Variants in UGGT1 observed in about 807,000 individuals in gnomAD.
UGGT1 encodes UDP-glucose glycoprotein glucosyltransferase 1.
Under a neutral mutation model 203.9 loss-of-function variants are expected in UGGT1, and 107 were observed. The observed-to-expected ratio is 0.52, with a 90% CI of 0.45 to 0.62. The LOEUF (loss-of-function observed/expected upper bound fraction) is 0.62. Ranked by LOEUF, UGGT1 falls within the 20% of genes least tolerant of loss-of-function variation. The pLI, the probability that UGGT1 is intolerant of heterozygous loss-of-function variation, is 0.00. For synonymous variants in UGGT1, 628 were observed against 653.5 expected (o/e 0.96, Z 0.59); for missense variants, 1,673 against 1,867.2 (o/e 0.90, Z 1.92).
intron 2 of UGGT1, among the ~76,000 whole-genome samples, chr2:128,099,729 A>G (rs559810486): frequency 5.9e-5 from 9 of 152,306 alleles, no homozygotes; most frequent in Non-Finnish European, 1.2e-4. Flanking sequence ...TATGTATTTC[A>G]TGGTGATAAC....
chr2:128,183,678 A>C lies in UGGT1; in HGVS notation c.4248A>C (p.Ala1416=), dbSNP rs754519276. The C allele has an allele frequency of 2.3e-5, 37 of 1,612,464 alleles. No individual in the cohort carries two copies. The highest frequency in any genetic ancestry group is 3.3e-5 in the Admixed American group (2 of 59,994). ...CAAGCGGGTCTTCTTTATTCAGTGC[A>C]CTATATGTTGTGGATCTGAAGAAGT... ...HLAGRKYHIS[A]LYVVDLKKFR... is the part of the protein sequence containing the mutation. The change falls in exon 38 of 41, where the codon GCA becomes GCC. Residue 1416 remains alanine, a synonymous_variant. Transcript: ENST00000259253.
intron 2 of UGGT1, among the ~76,000 whole-genome samples, chr2:128,100,034 T>A (rs71396509): frequency 6.0e-4 from 10 of 16,564 alleles, no homozygotes; most frequent in Middle Eastern, 0.05. Context: ...CCCCCCACCC[T>A]ACTTATTTTT....
chr2:128,163,026 G>T (rs1690603316), intron 25 of UGGT1, among the ~76,000 whole-genome samples: 1 of 152,172 alleles, frequency 6.6e-6, no homozygotes, highest in Non-Finnish European at 1.5e-5. Context: ...TATCATTCAT[G>T]ACCCAGTCTG....
chr2:128,169,655 T>C (rs1273525746), intron 26 of UGGT1, among the ~76,000 whole-genome samples: 3 of 152,240 alleles, frequency 2.0e-5, no homozygotes, highest in African/African-American at 7.2e-5. Flanking sequence ...AAAGAAAAGC[T>C]GGAGTAAACT....
chr2:128,163,583 C>T (rs1029067629), intron 25 of UGGT1, among the ~76,000 whole-genome samples: 7 of 151,872 alleles, frequency 4.6e-5, no homozygotes, highest in Admixed American at 6.6e-5. Context: ...GGCATGGTGG[C>T]GGGCGCCTGT....
intron 26 of UGGT1, among the ~76,000 whole-genome samples, chr2:128,168,896 A>C (rs1019758612): frequency 6.6e-6 from 1 of 151,726 alleles, no homozygotes; most frequent in Admixed American, 6.6e-5. Context: ...ACAATACACA[A>C]ATTAGCTGGG....
At chr2:128,177,487 C>T (rs1691457908) in intron 32 of UGGT1, among the ~76,000 whole-genome samples, 1 of 152,146 alleles carries the variant, frequency 6.6e-6, no homozygotes, top group South Asian at 2.1e-4. Context: ...GCTAGAGCCC[C>T]CAGCAGCCAC....
At chr2:128,092,075 CTA>C (rs1686892488) in intron 1 of UGGT1, among the ~76,000 whole-genome samples, 3 of 152,166 alleles carry the variant, frequency 2.0e-5, no homozygotes, top group Non-Finnish European at 2.9e-5. Flanking sequence ...TTGTGCTACA[CTA>C]ACTGTTTTGG....
At position 128,193,904 on chromosome 2, in the gene UGGT1, A is replaced by C. The variant is rs1457310060; in HGVS notation, c.*4162A>C. 6.6e-6 allele frequency: 1 copy of C among 152,208 alleles called. No homozygotes were observed. Among genetic ancestry groups the C allele is most frequent in the Non-Finnish European group, 1.5e-5 (1 of 68,044 alleles). 9.4% of individuals were successfully genotyped at this position (152,208 alleles called of 1,614,324 possible). ...TTAAAAGAAAGAACTCAGAGTTACA[A>C]GGGAAAAAGAAAAAGAGTTACAAGG... On this transcript the variant is annotated 3_prime_UTR_variant, in exon 41 of 41. Coordinates refer to ENST00000259253, the MANE Select transcript of UGGT1 (RefSeq NM_020120.4).
chr2:128,170,859 CT>C (rs1244053455), intron 27 of UGGT1, among the ~76,000 whole-genome samples: 3 of 152,092 alleles, frequency 2.0e-5, no homozygotes, highest in Non-Finnish European at 4.4e-5. Context: ...AATCTCTAAC[CT>C]TTTTTGTGAG....
At chr2:128,139,041 G>T (rs1689281674) in intron 16 of UGGT1, among the ~76,000 whole-genome samples, 189 bp downstream of exon 16, 1 of 152,216 alleles carries the variant, frequency 6.6e-6, no homozygotes, top group Non-Finnish European at 1.5e-5. Flanking sequence ...TGGCAGGGAT[G>T]CCAGTTGATG....
intron 26 of UGGT1, among the ~76,000 whole-genome samples, chr2:128,168,281 A>T (rs1690896802): frequency 6.6e-6 from 1 of 152,174 alleles, no homozygotes; most frequent in South Asian, 2.1e-4. Flanking sequence ...AGAGTAACAG[A>T]AGTTTTGTTG....
rs182077786 is a variant in UGGT1, at chr2:128,118,923, G to A, written c.873-1433G>A. Among the ~76,000 whole-genome samples, 375 of 152,190 alleles carry A rather than the reference G, an allele frequency of 2.5e-3. 1 individual carries two copies. The highest frequency in any genetic ancestry group is 0.014 in the Middle Eastern group (4 of 294). The stretch of plus-strand genomic sequence containing the variant: ...GGGCTCAAGGGATCTGCCCACCTTG[G>A]CCTCCCAAAGTGCTAGGATTACAGG... On this transcript the variant is annotated intron_variant, in intron 8 of 40. Transcript: ENST00000259253.
Position 128,170,384 on chromosome 2 carries a change from GC to G in UGGT1, c.3019del (p.Leu1007SerfsTer7). 1.2e-6 allele frequency: 2 copies of G among 1,613,966 alleles called. No individual in the cohort carries two copies. The highest frequency in any genetic ancestry group is 1.7e-6 in the Non-Finnish European group (2 of 1,179,848). On this transcript the variant is annotated frameshift_variant, in exon 27 of 41. Transcript: ENST00000259253. LOFTEE classifies it high-confidence loss of function. Reference protein sequence around the residue: ...TREAQRLAPLLLVLAQLINMN... With the variant: ...TREAQRLAPLXLVLAQLINMN... ...GAGAAGCACAGAGACTTGCTCCTTT[GC>G]TCTTGGTAGGAACGCTGTGCAGGAA...
At chr2:128,128,004 G>T (rs1688679117) in intron 12 of UGGT1, among the ~76,000 whole-genome samples, 1 of 152,000 alleles carries the variant, frequency 6.6e-6, no homozygotes, top group East Asian at 1.9e-4. Flanking sequence ...AACCTGGGAG[G>T]CGGAGGTTGC....
At chr2:128,172,825 G>C in intron 29 of UGGT1, 63 bp downstream of exon 29, 1 of 1,480,004 alleles carries the variant, frequency 6.8e-7, no homozygotes, top group Non-Finnish European at 9.2e-7. Flanking sequence ...TTGAATCATA[G>C]TCTAGGTGGG....
At chr2:128,176,493 G>A (rs895785169) in intron 31 of UGGT1, among the ~76,000 whole-genome samples, 4 of 151,094 alleles carry the variant, frequency 2.6e-5, no homozygotes, top group Non-Finnish European at 5.9e-5. Context: ...TTCCTTTATC[G>A]AAGGCTCTGT....
chr2:128,157,460 G>A, intron 22 of UGGT1, 114 bp downstream of exon 22: 1 of 738,256 alleles, frequency 1.4e-6, no homozygotes, highest in African/African-American at 1.8e-5. Context: ...CTTTCTTAAT[G>A]CTCGAGGGAA....
rs374688922 is a variant in UGGT1, at chr2:128,160,571, G to A, written c.2674G>A (p.Ala892Thr). The A allele has an allele frequency of 7.4e-6, 12 of 1,612,714 alleles. No individual in the cohort carries two copies. The Middle Eastern group carries it at 9.9e-4, about 133-fold the overall frequency. Residue 892 changes from alanine to threonine, a missense_variant, in exon 24 of 41, where the codon GCA becomes ACA. Around this residue, in one of 4 missense-constraint regions of UGGT1, gnomAD observed 1,073 missense variants for 1,078.7 expected, o/e 0.99. Coordinates refer to ENST00000259253, the MANE Select transcript of UGGT1 (RefSeq NM_020120.4). ...DVLKLKKGQR[A>T]VISNGRIIGP... ...TCTGAAGCTGAAGAAGGGACAGAGG[G>A]CAGTGATCAGCAATGGAAGGGTGAG...
Sources: gnomAD v4.1 joint callset for allele counts (sites outside exome capture counted in the v4.1 genomes callset) on GRCh38, gnomAD v4.1.1 for gene constraint, gnomAD v4.1.1 regional missense constraint, MANE v1.5 for transcripts, NCBI Gene and HGNC (gene_info 2026-07-23, HGNC 2026-07-21) for gene names.